HDAC9: variants seen among roughly 807,000 people sequenced by gnomAD.
HDAC9 encodes the protein histone deacetylase 9.
HDAC9 carries 41 observed loss-of-function variants against 139.4 expected under a neutral mutation model. That is an observed-to-expected ratio of 0.29 (90% CI 0.23 to 0.38). The LOEUF is 0.38. HDAC9 is among the 10% of genes least tolerant of loss of function. The pLI, the probability that HDAC9 is intolerant of heterozygous loss-of-function variation, is 1.00. For missense variants in HDAC9, 1,147 were observed against 1,297.0 expected, an observed-to-expected ratio of 0.88 and a Z score of 1.78; for synonymous variants, 517 against 476.2, an observed-to-expected ratio of 1.09 and a Z score of -1.12.
chr7:18,699,494 G>A (rs1321204515), intron 12 of HDAC9, among the ~76,000 whole-genome samples: 1 of 152,170 alleles, frequency 6.6e-6, no homozygotes. Flanking sequence ...CAAATAAGAA[G>A]TGTAAGAAGT....
chr7:18,641,660 CA>C (rs1785631725), intron 8 of HDAC9, among the ~76,000 whole-genome samples: 1 of 152,080 alleles, frequency 6.6e-6, no homozygotes. Flanking sequence ...GGCATCATAG[CA>C]AAGCACTGAT....
At chr7:18,814,149 AC>A (rs1794395353) in intron 17 of HDAC9, among the ~76,000 whole-genome samples, 1 of 152,042 alleles carries the variant, frequency 6.6e-6, no homozygotes. Context: ...CCCGCTCTAA[AC>A]CTTGCTGAGC....
chr7:18,881,503 T>C (rs1585214082), intron 22 of HDAC9, among the ~76,000 whole-genome samples: 1 of 152,166 alleles, frequency 6.6e-6, no homozygotes, highest in East Asian at 1.9e-4. Context: ...GAACTAGGTG[T>C]GTTTTGGTGA....
At chr7:18,364,478 G>A (rs186260304) in intron 1 of HDAC9, among the ~76,000 whole-genome samples, 12 of 152,172 alleles carry the variant, frequency 7.9e-5, no homozygotes, top group East Asian at 1.9e-4. Flanking sequence ...GTGAGAATTA[G>A]CATGGGGTGT....
At chr7:18,414,237 A>G (rs1788837509) in intron 1 of HDAC9, among the ~76,000 whole-genome samples, 1 of 152,174 alleles carries the variant, frequency 6.6e-6, no homozygotes, top group Admixed American at 6.5e-5. Context: ...GTTAAAGGAA[A>G]TATCCTACTT....
At chr7:18,954,848 G>A (rs1306200188) in intron 24 of HDAC9, among the ~76,000 whole-genome samples, 1 of 152,062 alleles carries the variant, frequency 6.6e-6, no homozygotes, top group East Asian at 1.9e-4. Context: ...AAAACCCTTA[G>A]GTTTGCTACT....
chr7:18,721,435 G>A (rs889747039), intron 12 of HDAC9, among the ~76,000 whole-genome samples: 10 of 151,410 alleles, frequency 6.6e-5, no homozygotes, highest in African/African-American at 2.2e-4. Context: ...CCATATTTGC[G>A]ATAGTTTATA....
chr7:18,698,278 G>A (rs553904477), intron 12 of HDAC9, among the ~76,000 whole-genome samples: 6 of 152,194 alleles, frequency 3.9e-5, no homozygotes, highest in Admixed American at 3.3e-4. Flanking sequence ...GCTCTAAAAC[G>A]CCCGGGTTCA....
chr7:18,998,137 A>G lies in HDAC9; in HGVS notation c.*2075A>G, dbSNP rs1563121442. The G allele has an allele frequency of 6.6e-6, 1 of 152,106 alleles. No individual in the cohort carries two copies. The highest frequency in any genetic ancestry group is 1.5e-5 in the Non-Finnish European group (1 of 68,008). The allele number at this position is 152,106 out of a possible 1,614,324, so 9.4% of individuals were successfully genotyped here. A position where few individuals can be genotyped will look rare whatever the true frequency, so the allele number is the denominator to read the frequency against. On this transcript the variant is annotated 3_prime_UTR_variant, in exon 26 of 26. Transcript: ENST00000686413. ...GACTCTCCCCCATTTTAAAAAGGAA[A>G]CTCATGTTTTAATTAGAAAAATAAT... is the stretch of plus-strand genomic sequence containing the variant.
intron 2 of HDAC9, among the ~76,000 whole-genome samples, chr7:18,558,953 A>G (rs1819716751): frequency 6.6e-6 from 1 of 152,182 alleles, no homozygotes; most frequent in African/African-American, 2.4e-5. Flanking sequence ...GAGTGGTGAC[A>G]TTGGGAAGTG....
rs186984307 is a variant in HDAC9, at chr7:18,860,606, T to G, written c.2685-13872T>G. ...TCAAATTTTTCTCAATGTCTTAAAC[T>G]CTTTTCCTGTCCTTTAAGAATAAAT... On this transcript the variant is annotated intron_variant, in intron 21 of 25. Transcript: ENST00000686413. Among the ~76,000 whole-genome samples the G allele has an allele frequency of 1.6e-4, 25 of 152,194 alleles. No homozygotes were observed. The East Asian group carries it at 2.9e-3, about 18-fold the overall frequency.
chr7:18,625,141 G>A (rs917554861), intron 6 of HDAC9, among the ~76,000 whole-genome samples: 5 of 151,984 alleles, frequency 3.3e-5, no homozygotes, highest in Admixed American at 6.6e-5. Context: ...GTTGCCTAGT[G>A]TTATTATTTT....
intron 1 of HDAC9, among the ~76,000 whole-genome samples, chr7:18,292,529 A>C (rs902190750): frequency 1.3e-5 from 2 of 152,160 alleles, no homozygotes; most frequent in African/African-American, 4.8e-5. Context: ...AATTTGTCAT[A>C]AATTTTGACA....
intron 2 of HDAC9, among the ~76,000 whole-genome samples, chr7:18,536,474 G>A (rs1162781773): frequency 6.6e-6 from 1 of 152,148 alleles, no homozygotes; most frequent in Non-Finnish European, 1.5e-5. Flanking sequence ...ATTATTATAT[G>A]TACAAAAAGT....
chr7:18,173,031 G>T (rs1009426729), intron 2 of HDAC9, among the ~76,000 whole-genome samples: 1 of 152,256 alleles, frequency 6.6e-6, no homozygotes, highest in Non-Finnish European at 1.5e-5. Context: ...TCGTTGATCT[G>T]TCTAATATTA....
intron 1 of HDAC9, among the ~76,000 whole-genome samples, chr7:18,117,785 A>G (rs2128089772): frequency 6.6e-6 from 1 of 152,322 alleles, no homozygotes; most frequent in South Asian, 2.1e-4. Flanking sequence ...TGTGGTTTTA[A>G]GCTGCCCAGT....
At chr7:18,315,146 A>T (rs954032890) in intron 1 of HDAC9, among the ~76,000 whole-genome samples, 1 of 152,200 alleles carries the variant, frequency 6.6e-6, no homozygotes, top group African/African-American at 2.4e-5. Flanking sequence ...TTTTTATAAG[A>T]CTAATGATGA....
At chr7:18,408,403 T>C (rs1474963871) in intron 1 of HDAC9, among the ~76,000 whole-genome samples, 3 of 152,204 alleles carry the variant, frequency 2.0e-5, no homozygotes, top group Admixed American at 1.3e-4. Flanking sequence ...TTCACAGCCA[T>C]AGGAAAATCA....
At chr7:18,665,714 G>A (rs934941827) in intron 11 of HDAC9, among the ~76,000 whole-genome samples, 11 of 151,894 alleles carry the variant, frequency 7.2e-5, no homozygotes, top group African/African-American at 2.4e-4. Flanking sequence ...TTTGACTGTC[G>A]TTTCTCTGTA....
Sources: allele counts gnomAD v4.1 joint callset (sites outside exome capture counted in the v4.1 genomes callset), GRCh38; gene constraint gnomAD v4.1.1; transcripts MANE v1.5; gene names NCBI Gene and HGNC (gene_info 2026-07-23, HGNC 2026-07-21).